The following DKK1 variants were observed in gnomAD, a reference collection of about 807,000 sequenced individuals.
The protein encoded by DKK1 is dickkopf-related protein 1.
In DKK1, 18 loss-of-function variants were observed where a neutral mutation model predicts 26.0. That is an observed-to-expected ratio of 0.69 (90% CI 0.48 to 1.03). The LOEUF (loss-of-function observed/expected upper bound fraction) is 1.03. Ranked by LOEUF, DKK1 falls within the 50% of genes least tolerant of loss-of-function variation. The pLI, the probability that DKK1 is intolerant of heterozygous loss-of-function variation, is 0.00. For missense variants in DKK1, 335 were observed against 348.5 expected (o/e 0.96, Z 0.31); for synonymous variants, 130 against 132.6 (o/e 0.98, Z 0.13).
In DKK1 at chr10:52,314,387, A is replaced by C. The variant is rs756209353; in HGVS notation, c.-48A>C. ...GGTTTCGTGGGGACCCAGGCTTGCA[A>C]AGTGACGGTCATTTTCTCTTTCTTT... On this transcript the variant is annotated 5_prime_UTR_variant, in exon 1 of 4. Transcript: ENST00000373970. The surrounding 1 kb of genome is among the most constrained non-coding windows in gnomAD (Gnocchi z 5.7). The C allele has an allele frequency of 6.2e-7, 1 of 1,607,180 alleles. No individual in the cohort carries two copies. Among genetic ancestry groups the C allele is most frequent in the South Asian group, 1.1e-5 (1 of 90,630 alleles).
At chr10:52,316,262 C>T (rs747979972) in intron 2 of DKK1, 33 bp from the exon 3 acceptor site, 3 of 1,611,556 alleles carry the variant, frequency 1.9e-6, no homozygotes, top group Non-Finnish European at 1.7e-6. Flanking sequence ...GCATTACAAC[C>T]CTGAAGTTAA....
rs1324959036 is a variant in DKK1 at position 52,316,409 on chromosome 10, T to C, written c.521T>C (p.Leu174Ser). The change falls in exon 3 of 4, where the codon TTG (leucine) becomes TCG (serine). Residue 174 changes from leucine (L) to serine (S), a missense_variant. Coordinates refer to ENST00000373970, the MANE Select transcript of DKK1 (RefSeq NM_012242.4). Reference sequence around the variant, plus strand: ...GATGGGTATTCCAGAAGAACCACCTTGTCTTCAAAAATGTATCACACCAAA... The same window carrying C: ...GATGGGTATTCCAGAAGAACCACCTCGTCTTCAAAAATGTATCACACCAAA... ...TLDGYSRRTT[L>S]SSKMYHTKGQ... is the part of the protein sequence containing the mutation. The C allele has an allele frequency of 6.2e-7, 1 of 1,614,166 alleles. No homozygotes were observed. Among genetic ancestry groups the C allele is most frequent in the South Asian group, 1.1e-5 (1 of 91,056 alleles).
In DKK1 at chr10:52,317,009, G is replaced by A; in HGVS notation, c.*202G>A. The A allele has an allele frequency of 1.7e-6, 1 of 589,186 alleles. No individual in the cohort carries two copies. 36.5% of individuals were successfully genotyped at this position (589,186 alleles called of 1,614,324 possible). A position where few individuals can be genotyped will look rare whatever the true frequency, so the allele number is the denominator to read the frequency against. On this transcript the variant is annotated 3_prime_UTR_variant, in exon 4 of 4. Transcript: ENST00000373970. ...TGTGATTGCAGTAAATTACTGTATT[G>A]TAAATTCTCAGTGTGGCACTTACCT...
rs1211384356 is a variant in DKK1 at position 52,314,871 on chromosome 10, C to A, written c.244-52C>A. ...TGATCAGCGCCCGGGTCCAAGAGGGCGGGTACCTGGACGTCTGGGTGCCTC... is the reference window on the plus strand; with the variant it reads ...TGATCAGCGCCCGGGTCCAAGAGGGAGGGTACCTGGACGTCTGGGTGCCTC... On this transcript the variant is annotated intron_variant, in intron 1 of 3. Transcript: ENST00000373970. The surrounding 1 kb of genome is among the most constrained non-coding windows in gnomAD (Gnocchi z 5.7). 6 of 1,461,134 alleles carry A rather than the reference C, an allele frequency of 4.1e-6. No homozygotes were observed. Among genetic ancestry groups the A allele is most frequent in the Non-Finnish European group, 5.4e-6 (6 of 1,102,298 alleles). 90.5% of individuals were successfully genotyped at this position (1,461,134 alleles called of 1,614,324 possible).
In DKK1 at chr10:52,315,095, G is replaced by A; in HGVS notation, c.406+10G>A. On this transcript the variant is annotated intron_variant, in intron 2 of 3. Transcript: ENST00000373970. Reference sequence around the variant, plus strand: ...AATTACTGCAAAAATGGTGAGTCCTGAAAGCTCCCTTTCACACTAAAACTG... The same window carrying A: ...AATTACTGCAAAAATGGTGAGTCCTAAAAGCTCCCTTTCACACTAAAACTG... 1 of 1,263,558 alleles carries A rather than the reference G, an allele frequency of 7.9e-7. No homozygotes were observed. The highest frequency in any genetic ancestry group is 1.0e-6 in the Non-Finnish European group (1 of 968,342). 78.3% of individuals were successfully genotyped at this position (1,263,558 alleles called of 1,614,324 possible).
At chr10:52,315,774 C>T (rs928166152) in intron 2 of DKK1, among the ~76,000 whole-genome samples, 24 of 152,162 alleles carry the variant, frequency 1.6e-4, no homozygotes, top group Non-Finnish European at 2.8e-4. Flanking sequence ...AGGGCGACGA[C>T]CCTCCTTAGG....
rs554447876 is a variant in DKK1 at position 52,314,298 on chromosome 10, C to A, written c.-137C>A. ...GTGGCGGCGCAGAGCTCTGTGCTCCCTGCAGTCAGGACTCTGGGACCGCAG... is the reference window on the plus strand; with the variant it reads ...GTGGCGGCGCAGAGCTCTGTGCTCCATGCAGTCAGGACTCTGGGACCGCAG... On this transcript the variant is annotated 5_prime_UTR_variant, in exon 1 of 4. It adds an upstream start codon to the 5' untranslated region. Transcript: ENST00000373970. This position sits in a 1 kb window ranked among gnomAD's most constrained non-coding sequence, Gnocchi z 5.7. The A allele has an allele frequency of 4.5e-6, 6 of 1,335,320 alleles. No individual in the cohort carries two copies. Among genetic ancestry groups the A allele is most frequent in the Non-Finnish European group, 6.2e-6 (6 of 975,030 alleles). 82.7% of individuals were successfully genotyped at this position (1,335,320 alleles called of 1,614,324 possible).
In DKK1 at chr10:52,314,530, C is replaced by A; in HGVS notation, c.96C>A (p.Thr32=). The A allele has an allele frequency of 6.2e-7, 1 of 1,613,878 alleles. No homozygotes were observed. Among genetic ancestry groups the A allele is most frequent in the Non-Finnish European group, 8.5e-7 (1 of 1,180,020 alleles). Residue 32 remains threonine (T), a synonymous_variant, in exon 1 of 4, where the codon ACC becomes ACA. Transcript: ENST00000373970. The surrounding 1 kb of genome is among the most constrained non-coding windows in gnomAD (Gnocchi z 5.7). ...ACCCTCTGCTGGGAGTGAGCGCCACCTTGAACTCGGTTCTCAATTCCAACG... is the reference window on the plus strand; with the variant it reads ...ACCCTCTGCTGGGAGTGAGCGCCACATTGAACTCGGTTCTCAATTCCAACG... ...GGHPLLGVSA[T]LNSVLNSNAI...
rs1218730100 is a variant in DKK1 at position 52,316,875 on chromosome 10, A to G, written c.*68A>G. On this transcript the variant is annotated 3_prime_UTR_variant, in exon 4 of 4. Coordinates refer to ENST00000373970, the MANE Select transcript of DKK1 (RefSeq NM_012242.4). ...GCTATGAAAACCTTTTATGACCTTC[A>G]TCAACTCAATCCTAAGGATATACAA... 9 of 1,532,798 alleles carry G rather than the reference A, an allele frequency of 5.9e-6. No individual in the cohort carries two copies. The highest frequency in any genetic ancestry group is 8.0e-6 in the Non-Finnish European group (9 of 1,127,332). The allele number at this position is 1,532,798 out of a possible 1,614,324, so 94.9% of individuals were successfully genotyped here.
In DKK1 at chr10:52,316,567, T is replaced by C; in HGVS notation, c.561T>C (p.Ser187=). Residue 187 remains serine, a synonymous_variant, in exon 4 of 4, where the codon TCT becomes TCC. Transcript: ENST00000373970. ...KMYHTKGQEG[S]VCLRSSDCAS... ...TCTCCTTCGTAGGACAAGAAGGTTC[T>C]GTTTGTCTCCGGTCATCAGACTGTG... The C allele has an allele frequency of 6.2e-7, 1 of 1,614,068 alleles. No individual in the cohort carries two copies. Among genetic ancestry groups the C allele is most frequent in the Non-Finnish European group, 8.5e-7 (1 of 1,180,002 alleles).
At position 52,317,031 on chromosome 10, in the gene DKK1, AC is replaced by A; in HGVS notation, c.*226del. ...ATTGTAAATTCTCAGTGTGGCACTTACCTGTAAATGCAATGAAACTTTTAAT... is the reference window on the plus strand; with the variant it reads ...ATTGTAAATTCTCAGTGTGGCACTTACTGTAAATGCAATGAAACTTTTAAT... On this transcript the variant is annotated 3_prime_UTR_variant, in exon 4 of 4. Coordinates refer to ENST00000373970, the MANE Select transcript of DKK1 (RefSeq NM_012242.4). 1 of 527,656 alleles carries A rather than the reference AC, an allele frequency of 1.9e-6. No homozygotes were observed. Among genetic ancestry groups the A allele is most frequent in the Non-Finnish European group, 3.3e-6 (1 of 301,582 alleles). 32.7% of individuals were successfully genotyped at this position (527,656 alleles called of 1,614,324 possible).
rs756743662 is a variant in DKK1, at chr10:52,314,655, A to T, written c.221A>T (p.Tyr74Phe). 34 of 1,612,846 alleles carry T rather than the reference A, an allele frequency of 2.1e-5. No individual in the cohort carries two copies. Among genetic ancestry groups the T allele is most frequent in the Admixed American group, 8.3e-5 (5 of 59,980 alleles). ...PGILYPGGNK[Y>F]QTIDNYQPYP... is the part of the protein sequence containing the mutation. Reference sequence around the variant, plus strand: ...ATCCTGTACCCGGGCGGGAATAAGTACCAGACCATTGACAACTACCAGGTG... The same window carrying T: ...ATCCTGTACCCGGGCGGGAATAAGTTCCAGACCATTGACAACTACCAGGTG... Residue 74 changes from tyrosine to phenylalanine, a missense_variant, in exon 1 of 4, where the codon TAC (tyrosine) becomes TTC (phenylalanine). Coordinates refer to ENST00000373970, the MANE Select transcript of DKK1 (RefSeq NM_012242.4). The surrounding 1 kb of genome is among the most constrained non-coding windows in gnomAD (Gnocchi z 5.7).
chr10:52,316,300 T>A lies in DKK1; in HGVS notation c.412T>A (p.Cys138Ser). The A allele has an allele frequency of 6.2e-7, 1 of 1,614,098 alleles. No homozygotes were observed. Among genetic ancestry groups the A allele is most frequent in the Non-Finnish European group, 8.5e-7 (1 of 1,179,974 alleles). Residue 138 changes from cysteine (C) to serine (S), a missense_variant, in exon 3 of 4, where the codon TGT (cysteine) becomes AGT (serine). By Grantham distance (112) the Cys-to-Ser change is moderately radical (BLOSUM62 -1). Transcript: ENST00000373970. The part of the protein sequence containing the change: ...CPGNYCKNGI[C>S]VSSDQNHFRG... The stretch of plus-strand genomic sequence containing the variant: ...ACTATTTCCTGCTTCCTTAGGAATA[T>A]GTGTGTCTTCTGATCAAAATCATTT...
intron 2 of DKK1, among the ~76,000 whole-genome samples, chr10:52,315,973 GT>G (rs1028325025): frequency 3.9e-5 from 6 of 152,186 alleles, no homozygotes; most frequent in African/African-American, 1.4e-4. Flanking sequence ...AAGTGACTGA[GT>G]TTCTTTTTCT....
rs751167321 is a variant in DKK1, at chr10:52,314,479, G to T, written c.45G>T (p.Ala15=). Reference sequence around the variant, plus strand: ...CGGGAGCTACCCGGGTCTTTGTCGCGATGGTAGCGGCGGCTCTCGGCGGCC... The same window carrying T: ...CGGGAGCTACCCGGGTCTTTGTCGCTATGGTAGCGGCGGCTCTCGGCGGCC... ...GAAGATRVFV[A]MVAAALGGHP... The change falls in exon 1 of 4, where the codon GCG becomes GCT. Residue 15 remains alanine, a synonymous_variant. Transcript: ENST00000373970. The surrounding 1 kb of genome is among the most constrained non-coding windows in gnomAD (Gnocchi z 5.7). 1.3e-4 allele frequency: 216 copies of T among 1,613,880 alleles called. No homozygotes were observed. Among genetic ancestry groups the T allele is most frequent in the Non-Finnish European group, 1.7e-4 (201 of 1,180,030 alleles).
chr10:52,314,587 C>T lies in DKK1; in HGVS notation c.153C>T (p.Gly51=). ...AIKNLPPPLG[G]AAGHPGSAVS... ...AGAACCTGCCCCCACCGCTGGGCGG[C>T]GCTGCGGGGCACCCAGGCTCTGCAG... is the stretch of plus-strand genomic sequence containing the variant. Residue 51 remains glycine, a synonymous_variant, in exon 1 of 4, where the codon GGC becomes GGT. Coordinates refer to ENST00000373970, the MANE Select transcript of DKK1 (RefSeq NM_012242.4). This position sits in a 1 kb window ranked among gnomAD's most constrained non-coding sequence, Gnocchi z 5.7. 1 of 1,613,584 alleles carries T rather than the reference C, an allele frequency of 6.2e-7. No homozygotes were observed. Among genetic ancestry groups the T allele is most frequent in the Non-Finnish European group, 8.5e-7 (1 of 1,180,002 alleles).
rs1564556962 is a variant in DKK1 at position 52,316,569 on chromosome 10, T to A, written c.563T>A (p.Val188Asp). ...TCCTTCGTAGGACAAGAAGGTTCTG[T>A]TTGTCTCCGGTCATCAGACTGTGCC... ...MYHTKGQEGS[V>D]CLRSSDCASG... Residue 188 changes from valine (V) to aspartate (D), a missense_variant, in exon 4 of 4, where the codon GTT becomes GAT. Transcript: ENST00000373970. 6.2e-7 allele frequency: 1 copy of A among 1,614,044 alleles called. No homozygotes were observed. Among genetic ancestry groups the A allele is most frequent in the Non-Finnish European group, 8.5e-7 (1 of 1,180,000 alleles).
rs1209710185 is a variant in DKK1 at position 52,314,641 on chromosome 10, G to T, written c.207G>T (p.Pro69=). 2 of 1,613,226 alleles carry T rather than the reference G, an allele frequency of 1.2e-6. No homozygotes were observed. The highest frequency in any genetic ancestry group is 1.3e-5 in the African/African-American group (1 of 75,046). Reference sequence around the variant, plus strand: ...GCGCCGCGCCGGGAATCCTGTACCCGGGCGGGAATAAGTACCAGACCATTG... The same window carrying T: ...GCGCCGCGCCGGGAATCCTGTACCCTGGCGGGAATAAGTACCAGACCATTG... The part of the protein sequence containing the change: ...AVSAAPGILY[P]GGNKYQTIDN... The change falls in exon 1 of 4, where the codon CCG becomes CCT. Residue 69 remains proline, a synonymous_variant. Coordinates refer to ENST00000373970, the MANE Select transcript of DKK1 (RefSeq NM_012242.4). The surrounding 1 kb of genome is among the most constrained non-coding windows in gnomAD (Gnocchi z 5.7).
rs1842593907 is a variant in DKK1 at position 52,314,362 on chromosome 10, G to A, written c.-73G>A. ...CCTGACTCTGCAGCCGAACCGGCACGGTTTCGTGGGGACCCAGGCTTGCAA... is the reference window on the plus strand; with the variant it reads ...CCTGACTCTGCAGCCGAACCGGCACAGTTTCGTGGGGACCCAGGCTTGCAA... On this transcript the variant is annotated 5_prime_UTR_variant, in exon 1 of 4. Transcript: ENST00000373970. The surrounding 1 kb of genome is among the most constrained non-coding windows in gnomAD (Gnocchi z 5.7). The A allele has an allele frequency of 3.8e-6, 6 of 1,585,018 alleles. No individual in the cohort carries two copies. The South Asian group carries it at 5.8e-5, about 15-fold the overall frequency.
Sources: gnomAD v4.1 joint callset for allele counts (sites outside exome capture counted in the v4.1 genomes callset) on GRCh38, gnomAD v4.1.1 for gene constraint, Gnocchi (gnomAD v3.1) non-coding constraint, MANE v1.5 for transcripts, NCBI Gene and HGNC (gene_info 2026-07-23, HGNC 2026-07-21) for gene names.